Variants in ST3GAL3 observed in about 807,000 individuals in gnomAD.
ST3GAL3 encodes the protein CMP-N-acetylneuraminate-beta-1,4-galactoside alpha-2,3-sialyltransferase.
In ST3GAL3, 21 loss-of-function variants were observed where a neutral mutation model predicts 50.1. That is an observed-to-expected ratio of 0.42 (90% CI 0.30 to 0.60). ST3GAL3 has a LOEUF of 0.60. ST3GAL3 is among the 20% of genes least tolerant of loss of function. The pLI, the probability that ST3GAL3 is intolerant of heterozygous loss-of-function variation, is 0.19. For synonymous variants in ST3GAL3, 183 were observed against 190.0 expected (o/e 0.96, Z 0.30); for missense variants, 353 against 489.4 (o/e 0.72, Z 2.63).
intron 2 of ST3GAL3, among the ~76,000 whole-genome samples, chr1:43,762,670 C>T (rs940627603): frequency 2.0e-5 from 3 of 152,122 alleles, no homozygotes; most frequent in Non-Finnish European, 4.4e-5. Flanking sequence ...GTTATACATA[C>T]ATAAGCATAT....
intron 2 of ST3GAL3, among the ~76,000 whole-genome samples, chr1:43,773,664 A>G (rs778498068): frequency 2.0e-5 from 3 of 152,230 alleles, no homozygotes; most frequent in Non-Finnish European, 2.9e-5. Flanking sequence ...CAAATATCTC[A>G]GTTTGCACCT....
chr1:43,924,267 T>G (rs1571603351), intron 11 of ST3GAL3, among the ~76,000 whole-genome samples: 1 of 152,160 alleles, frequency 6.6e-6, no homozygotes, highest in Admixed American at 6.5e-5. Flanking sequence ...CCGAAAGTCT[T>G]CCATCCCTGC....
intron 6 of ST3GAL3, among the ~76,000 whole-genome samples, chr1:43,895,200 G>T (rs1303671673): frequency 6.6e-6 from 1 of 152,060 alleles, no homozygotes; most frequent in Non-Finnish European, 1.5e-5. Flanking sequence ...CCCTCTATCA[G>T]CCCATCCTGA....
intron 4 of ST3GAL3, chr1:43,819,247 C>T (rs1041236057): frequency 1.3e-5 from 2 of 152,224 alleles, no homozygotes; most frequent in African/African-American, 4.8e-5. Context: ...GCATGTGCCA[C>T]CACACCTGGC....
intron 4 of ST3GAL3, among the ~76,000 whole-genome samples, chr1:43,833,940 C>T (rs1426935300): frequency 2.0e-5 from 3 of 152,158 alleles, no homozygotes; most frequent in Non-Finnish European, 4.4e-5. Context: ...TTTCCCCCTC[C>T]GCCTTCTCAC....
intron 4 of ST3GAL3, among the ~76,000 whole-genome samples, chr1:43,820,027 G>C (rs1356231486): frequency 6.6e-6 from 1 of 152,136 alleles, no homozygotes; most frequent in Non-Finnish European, 1.5e-5. Context: ...AAAAAGAACA[G>C]AGCTGGAGGT....
intron 3 of ST3GAL3, among the ~76,000 whole-genome samples, chr1:43,813,291 T>C (rs902002179): frequency 6.6e-6 from 1 of 152,240 alleles, no homozygotes; most frequent in African/African-American, 2.4e-5. Context: ...TTTGGCAAGC[T>C]GAGGCTTCCT....
chr1:43,769,427 A>G (rs1290514326), intron 2 of ST3GAL3, among the ~76,000 whole-genome samples: 1 of 152,204 alleles, frequency 6.6e-6, no homozygotes, highest in African/African-American at 2.4e-5. Flanking sequence ...AAAACCCATG[A>G]TGAAAATCTT....
intron 3 of ST3GAL3, among the ~76,000 whole-genome samples, chr1:43,805,676 C>T (rs1463287231): frequency 2.6e-5 from 4 of 152,210 alleles, no homozygotes; most frequent in Admixed American, 2.0e-4. Flanking sequence ...AGAAAGTACA[C>T]TGTGGCACAG....
chr1:43,930,016 C>T (rs2084792855), intron 11 of ST3GAL3, 116 bp from the exon 12 acceptor site: 6 of 861,808 alleles, frequency 7.0e-6, no homozygotes, highest in Non-Finnish European at 1.2e-5. Flanking sequence ...TATCTGCCTT[C>T]AGGTTTCCAC....
rs573222572 is a variant in ST3GAL3 at position 43,740,227 on chromosome 1, G to A, written c.118+3847G>A. ...AAATACAAAAAATTAGCCAGGTGTG[G>A]TGGCGCGCCCCTGTAGTCCCAGCTA... On this transcript the variant is annotated intron_variant, in intron 2 of 11. Coordinates refer to ENST00000347631, the MANE Select transcript of ST3GAL3 (RefSeq NM_006279.5). Among the ~76,000 whole-genome samples, 4 of 151,936 alleles carry A rather than the reference G, an allele frequency of 2.6e-5. No homozygotes were observed. In the East Asian group the frequency reaches 7.8e-4, roughly 29 times the overall value.
At chr1:43,878,583 G>A (rs946545927) in intron 5 of ST3GAL3, among the ~76,000 whole-genome samples, 1 of 152,214 alleles carries the variant, frequency 6.6e-6, no homozygotes, top group African/African-American at 2.4e-5. Context: ...GCAGCAAGGA[G>A]TGTGGCTGGG....
intron 5 of ST3GAL3, among the ~76,000 whole-genome samples, chr1:43,889,309 A>G (rs1407506385): frequency 1.3e-5 from 2 of 152,152 alleles, no homozygotes; most frequent in African/African-American, 4.8e-5. Flanking sequence ...TGGGACTAGA[A>G]GTAACGGGAC....
At chr1:43,808,853 C>G (rs1458232311) in intron 3 of ST3GAL3, among the ~76,000 whole-genome samples, 1 of 152,174 alleles carries the variant, frequency 6.6e-6, no homozygotes, top group African/African-American at 2.4e-5. Context: ...CCCTAGCAGT[C>G]ACACAGGACT....
intron 5 of ST3GAL3, among the ~76,000 whole-genome samples, chr1:43,862,575 A>T (rs778638996): frequency 6.6e-6 from 1 of 151,656 alleles, no homozygotes; most frequent in Non-Finnish European, 1.5e-5. Context: ...TGGGCCCAGC[A>T]CTCTGGGCTT....
intron 1 of ST3GAL3, among the ~76,000 whole-genome samples, chr1:43,708,657 C>T (rs1237178380): frequency 6.6e-6 from 1 of 152,148 alleles, no homozygotes; most frequent in Non-Finnish European, 1.5e-5. Flanking sequence ...CCAAATGATA[C>T]TTTCAAATAA....
chr1:43,920,321 T>C (rs1425384558), intron 9 of ST3GAL3, 83 bp from the exon 10 acceptor site: 14 of 1,578,372 alleles, frequency 8.9e-6, no homozygotes, highest in Non-Finnish European at 1.0e-5. Context: ...CGCCTCACTG[T>C]CCCTACTTGG....
At chr1:43,835,270 C>A (rs1193932460) in intron 4 of ST3GAL3, among the ~76,000 whole-genome samples, 1 of 152,032 alleles carries the variant, frequency 6.6e-6, no homozygotes, top group Admixed American at 6.6e-5. Flanking sequence ...AGTTGGCGAC[C>A]GTTAATCTTG....
chr1:43,930,296 T>A lies in ST3GAL3; in HGVS notation c.*75T>A. 7.0e-7 allele frequency: 1 copy of A among 1,437,064 alleles called. No individual in the cohort carries two copies. Among genetic ancestry groups the A allele is most frequent in the South Asian group, 1.1e-5 (1 of 87,562 alleles). 89.0% of individuals were successfully genotyped at this position (1,437,064 alleles called of 1,614,324 possible). Reference sequence around the variant, plus strand: ...GCCAGCACCACCTACACAGGAGTCTTCAGACCCAGAGAAGGACGGTGCCAA... The same window carrying A: ...GCCAGCACCACCTACACAGGAGTCTACAGACCCAGAGAAGGACGGTGCCAA... On this transcript the variant is annotated 3_prime_UTR_variant, in exon 12 of 12. Transcript: ENST00000347631.
Sources: gnomAD v4.1 joint callset for allele counts (sites outside exome capture counted in the v4.1 genomes callset) on GRCh38, gnomAD v4.1.1 for gene constraint, MANE v1.5 for transcripts, NCBI Gene and HGNC (gene_info 2026-07-23, HGNC 2026-07-21) for gene names.